RPA3: variants seen among roughly 807,000 people sequenced by gnomAD.
RPA3 encodes replication protein A 14 kDa subunit.
Under a neutral mutation model 13.7 loss-of-function variants are expected in RPA3, and 24 were observed. The observed-to-expected ratio is 1.75, with a 90% confidence interval of 1.27 to 2.46. RPA3 has a LOEUF of 2.46. Among genes scored for constraint, RPA3 ranks in the 30% most tolerant of loss-of-function variants. RPA3 has a pLI of 0.00. For synonymous variants in RPA3, 59 were observed against 51.2 expected (o/e 1.15, Z -0.65); for missense variants, 183 against 151.0 (o/e 1.21, Z -1.11).
chr7:7,645,294 G>A (rs1785068735), intron 4 of RPA3, among the ~76,000 whole-genome samples: 1 of 152,180 alleles, frequency 6.6e-6, no homozygotes, highest in Non-Finnish European at 1.5e-5. Flanking sequence ...GGGTTTAGCT[G>A]CATAAACAAA....
intron 4 of RPA3, among the ~76,000 whole-genome samples, chr7:7,642,838 G>A (rs993711367): frequency 6.6e-6 from 1 of 152,150 alleles, no homozygotes; most frequent in African/African-American, 2.4e-5. Flanking sequence ...TGAAATTTGT[G>A]TTAAGCTTCC....
chr7:7,693,556 T>G (rs1208330352), intron 2 of RPA3, among the ~76,000 whole-genome samples: 1 of 152,182 alleles, frequency 6.6e-6, no homozygotes, highest in African/African-American at 2.4e-5. Context: ...AAACTAGAAC[T>G]TCCAGTGTAT....
In RPA3 at chr7:7,705,583, A is replaced by G. The variant is rs1296732743; in HGVS notation, c.-1028+9592T>C. Among the ~76,000 whole-genome samples the G allele has an allele frequency of 5.3e-5, 8 of 152,312 alleles. No homozygotes were observed. In the East Asian group the frequency reaches 1.2e-3, roughly 22 times the overall value. The stretch of plus-strand genomic sequence containing the variant: ...TGTAATCCATTGTTTTCATAATCAT[A>G]TTAGTATTTCTATTATAGGGATAAT... On this transcript the variant is annotated intron_variant, in intron 2 of 7. Transcript: ENST00000223129.
At position 7,637,895 on chromosome 7, in the gene RPA3, A is replaced by G. The variant is rs1048048802; in HGVS notation, c.252T>C (p.Tyr84=). Residue 84 remains tyrosine, a synonymous_variant, in exon 7 of 8, where the codon TAT becomes TAC. Coordinates refer to ENST00000223129, the MANE Select transcript of RPA3 (RefSeq NM_002947.5). The part of the protein sequence containing the change: ...TAKATILCTS[Y]VQFKEDSHPF... ...GATGGCTATCTTCTTTAAACTGGAC[A>G]TAAGATGTACACAAGATGGTGGCCT... 6.2e-7 allele frequency: 1 copy of G among 1,613,456 alleles called. No homozygotes were observed. The highest frequency in any genetic ancestry group is 8.5e-7 in the Non-Finnish European group (1 of 1,179,596).
chr7:7,661,000 C>T (rs939912255), intron 4 of RPA3, among the ~76,000 whole-genome samples: 1 of 55,628 alleles, frequency 1.8e-5, no homozygotes, highest in South Asian at 6.0e-4. Flanking sequence ...TTGTTCATTC[C>T]TTTTGATTGT....
chr7:7,680,752 A>T (rs1222301614), intron 4 of RPA3, among the ~76,000 whole-genome samples: 1 of 151,416 alleles, frequency 6.6e-6, no homozygotes, highest in Non-Finnish European at 1.5e-5. Flanking sequence ...TATTTTAGAG[A>T]TCTTTCACTT....
chr7:7,642,075 A>G (rs1242754269), intron 4 of RPA3, among the ~76,000 whole-genome samples: 1 of 152,222 alleles, frequency 6.6e-6, no homozygotes, highest in African/African-American at 2.4e-5. Flanking sequence ...GTACTTTAGC[A>G]TTGTTTTGCA....
At chr7:7,708,489 G>A (rs537984655) in intron 2 of RPA3, among the ~76,000 whole-genome samples, 1 of 152,080 alleles carries the variant, frequency 6.6e-6, no homozygotes, top group Non-Finnish European at 1.5e-5. Context: ...GGATATAAGG[G>A]GATCAGGTCT....
intron 4 of RPA3, among the ~76,000 whole-genome samples, chr7:7,648,287 T>A (rs1255535110): frequency 6.6e-6 from 1 of 151,718 alleles, no homozygotes; most frequent in Non-Finnish European, 1.5e-5. Flanking sequence ...TCTGCTTAAG[T>A]TTTCTCCGCT....
At chr7:7,650,696 C>A (rs568585070) in intron 4 of RPA3, among the ~76,000 whole-genome samples, 4 of 152,210 alleles carry the variant, frequency 2.6e-5, no homozygotes, top group African/African-American at 9.7e-5. Context: ...TTGTGCCAAA[C>A]GCACCTTGAT....
chr7:7,667,566 C>T (rs1049439665), intron 4 of RPA3, among the ~76,000 whole-genome samples: 2 of 152,128 alleles, frequency 1.3e-5, no homozygotes, highest in African/African-American at 2.4e-5. Flanking sequence ...AGTTTTGGAT[C>T]ATTGTCTGGC....
At chr7:7,666,179 G>A (rs988229639) in intron 4 of RPA3, among the ~76,000 whole-genome samples, 23 of 125,280 alleles carry the variant, frequency 1.8e-4, no homozygotes, top group African/African-American at 6.6e-4. Context: ...ACTTGGGAAA[G>A]TGTTTTTTGT....
intron 2 of RPA3, among the ~76,000 whole-genome samples, chr7:7,689,098 C>T (rs1008908037): frequency 6.6e-6 from 1 of 152,114 alleles, no homozygotes; most frequent in Non-Finnish European, 1.5e-5. Context: ...TTATTCCCAG[C>T]CCCAGAAAGT....
intron 2 of RPA3, among the ~76,000 whole-genome samples, chr7:7,690,970 G>A (rs1336559548): frequency 6.6e-6 from 1 of 152,172 alleles, no homozygotes; most frequent in African/African-American, 2.4e-5. Context: ...AAGGAGTGCA[G>A]TTTCTTTCTG....
rs533784871 is a variant in RPA3 at position 7,703,059 on chromosome 7, C to G, written c.-1028+12116G>C. On this transcript the variant is annotated intron_variant, in intron 2 of 7. Transcript: ENST00000223129. ...AGCTAGTCTTCTAGTTAGTACTACA[C>G]TGAGTTTACTGCCTGCTTTTTAGAA... is the stretch of plus-strand genomic sequence containing the variant. Among the ~76,000 whole-genome samples the G allele has an allele frequency of 2.0e-5, 3 of 152,322 alleles. No individual in the cohort carries two copies. The South Asian group carries it at 6.2e-4, about 32-fold the overall frequency.
chr7:7,646,534 G>A (rs115335200), intron 4 of RPA3, among the ~76,000 whole-genome samples: 5,166 of 135,234 alleles, frequency 0.038, 334 homozygotes, highest in African/African-American at 0.14. Flanking sequence ...CATGTAAGAC[G>A]TACCTTTTGC....
chr7:7,702,840 G>A (rs922983150), intron 2 of RPA3, among the ~76,000 whole-genome samples: 1 of 152,244 alleles, frequency 6.6e-6, no homozygotes, highest in Middle Eastern at 3.4e-3. Flanking sequence ...AATGCTTAGA[G>A]ACAAGTCAAC....
chr7:7,717,184 G>A (rs146284153), intron 1 of RPA3, among the ~76,000 whole-genome samples: 1,775 of 151,638 alleles, frequency 0.012, 32 homozygotes, highest in African/African-American at 0.041. Flanking sequence ...TGCCTCCCGC[G>A]TAGCTGGGAC....
intron 2 of RPA3, among the ~76,000 whole-genome samples, chr7:7,700,175 A>C (rs896762323): frequency 7.9e-5 from 12 of 152,162 alleles, no homozygotes; most frequent in African/African-American, 2.9e-4. Flanking sequence ...AGGCATTGGC[A>C]AATAGGCAGT....
Sources: gnomAD v4.1 joint callset for allele counts (sites outside exome capture counted in the v4.1 genomes callset) on GRCh38, gnomAD v4.1.1 for gene constraint, MANE v1.5 for transcripts, NCBI Gene and HGNC (gene_info 2026-07-23, HGNC 2026-07-21) for gene names.